ASTN2: variants seen among roughly 807,000 people sequenced by gnomAD.
ASTN2 encodes the protein astrotactin 2, also known as astrotactin-2.
In ASTN2, 54 loss-of-function variants were observed where a neutral mutation model predicts 139.8. The observed-to-expected ratio is 0.39, with a 90% CI of 0.31 to 0.48. The LOEUF (loss-of-function observed/expected upper bound fraction) is 0.48, where lower values mean the gene tolerates loss of function less well. Among genes scored for constraint, ASTN2 ranks in the 20% least tolerant of loss-of-function variants. The pLI is 0.95. For synonymous variants in ASTN2, 756 were observed against 719.5 expected, an observed-to-expected ratio of 1.05 and a Z score of -0.81; for missense variants, 1,565 against 1,725.1, an observed-to-expected ratio of 0.91 and a Z score of 1.64.
At chr9:116,849,113 G>A (rs530292517) in intron 11 of ASTN2, among the ~76,000 whole-genome samples, 4 of 152,132 alleles carry the variant, frequency 2.6e-5, no homozygotes, top group Non-Finnish European at 4.4e-5. Context: ...AATAATGTGG[G>A]AAGAGGCACG....
At chr9:116,470,955 T>A (rs981317481) in intron 20 of ASTN2, among the ~76,000 whole-genome samples, 2 of 152,210 alleles carry the variant, frequency 1.3e-5, no homozygotes, top group African/African-American at 4.8e-5. Context: ...TCTAAGACGA[T>A]GTATTGTTCA....
intron 1 of ASTN2, among the ~76,000 whole-genome samples, chr9:117,407,688 T>C (rs945701689): frequency 1.3e-5 from 2 of 152,206 alleles, no homozygotes; most frequent in African/African-American, 4.8e-5. Flanking sequence ...CCAAAAGAGC[T>C]ATAGTCAGTA....
chr9:116,493,084 T>C (rs1462470822), intron 19 of ASTN2, among the ~76,000 whole-genome samples: 2 of 152,212 alleles, frequency 1.3e-5, no homozygotes, highest in African/African-American at 4.8e-5. Context: ...CTGTGCTGTA[T>C]TCTCTGATAG....
intron 2 of ASTN2, among the ~76,000 whole-genome samples, chr9:117,276,448 C>T (rs1002701538): frequency 6.6e-6 from 1 of 152,196 alleles, no homozygotes; most frequent in Admixed American, 6.5e-5. Flanking sequence ...CCTCATCTCC[C>T]CCCAGACAGC....
rs886063380 is a variant in ASTN2, at chr9:116,699,816, G to A, written c.2806+25955C>T. 12 of 1,474,816 alleles carry A rather than the reference G, an allele frequency of 8.1e-6. No homozygotes were observed. Among genetic ancestry groups the A allele is most frequent in the Admixed American group, 7.3e-5 (4 of 54,442 alleles). The allele number at this position is 1,474,816 out of a possible 1,614,324, so 91.4% of individuals were successfully genotyped here. ...CTCAGCCTATGTCCTGATTCCAGCTGGGTAGTTCTAGAACTTCAGAAGCTC... is the reference window on the plus strand; with the variant it reads ...CTCAGCCTATGTCCTGATTCCAGCTAGGTAGTTCTAGAACTTCAGAAGCTC... On this transcript the variant is annotated intron_variant, in intron 16 of 22. Coordinates refer to ENST00000313400, the MANE Select transcript of ASTN2 (RefSeq NM_001365068.1). The surrounding 1 kb of genome is among the most constrained non-coding windows in gnomAD (Gnocchi z 4.2).
At chr9:117,326,255 CTAATT>C (rs1160712841) in intron 1 of ASTN2, among the ~76,000 whole-genome samples, 6 of 152,028 alleles carry the variant, frequency 3.9e-5, no homozygotes, top group African/African-American at 1.5e-4. Context: ...TTTGAGATCT[CTAATT>C]TTAGTCCAGT....
intron 3 of ASTN2, among the ~76,000 whole-genome samples, chr9:117,170,051 G>A (rs570753056): frequency 1.3e-5 from 2 of 152,136 alleles, no homozygotes; most frequent in South Asian, 4.1e-4. Flanking sequence ...ACACAGGTGT[G>A]GTTATACCTC....
chr9:117,291,366 A>G lies in ASTN2; in HGVS notation c.590T>C (p.Ile197Thr). 2.5e-6 allele frequency: 4 copies of G among 1,613,996 alleles called. No individual in the cohort carries two copies. Among genetic ancestry groups the G allele is most frequent in the East Asian group, 2.2e-5 (1 of 44,870 alleles). ...TAPTLQEPSE[I>T]VEEQMHILHI... is the part of the protein sequence containing the mutation. ...GAGGATGTGCATCTGCTCCTCAACA[A>G]TCTCCGAGGGCTCCTGGAGAGTGGG... The change falls in exon 2 of 23, where the codon ATT becomes ACT. Residue 197 changes from isoleucine to threonine, a missense_variant. By Grantham distance (89) the Ile-to-Thr change is moderately conservative (BLOSUM62 -1). This residue lies in a region of ASTN2 where 596 missense variants were observed against 576.8 expected (regional missense o/e 1.03). Transcript: ENST00000313400.
chr9:116,493,343 C>T (rs1394655495), intron 19 of ASTN2, among the ~76,000 whole-genome samples: 1 of 152,186 alleles, frequency 6.6e-6, no homozygotes, highest in Non-Finnish European at 1.5e-5. Context: ...CATTCTTTTC[C>T]TGTTTTTCTT....
Position 117,102,621 on chromosome 9 carries a change from C to G in ASTN2, c.1169-6470G>C, listed in dbSNP as rs532834669. On this transcript the variant is annotated intron_variant, in intron 4 of 22. Coordinates refer to ENST00000313400, the MANE Select transcript of ASTN2 (RefSeq NM_001365068.1). ...CACTTCAACCTCTGCCTCCTGGGTT[C>G]AAGCGATTCTCCTGCCTTAGCTTCC... is the stretch of plus-strand genomic sequence containing the variant. Among the ~76,000 whole-genome samples, 22 of 152,270 alleles carry G rather than the reference C, an allele frequency of 1.4e-4. No homozygotes were observed. The East Asian group carries it at 3.7e-3, about 25-fold the overall frequency.
At chr9:116,500,636 G>A (rs963336799) in intron 19 of ASTN2, among the ~76,000 whole-genome samples, 2 of 152,194 alleles carry the variant, frequency 1.3e-5, no homozygotes, top group African/African-American at 4.8e-5. Flanking sequence ...GCTCAGCCCT[G>A]GGTTTGAATT....
At chr9:117,340,046 C>T (rs1225594796) in intron 1 of ASTN2, among the ~76,000 whole-genome samples, 3 of 151,932 alleles carry the variant, frequency 2.0e-5, no homozygotes, top group Non-Finnish European at 4.4e-5. Flanking sequence ...AATGACAGCT[C>T]TCAGAGACAT....
chr9:116,554,833 A>G (rs1254553132), intron 19 of ASTN2, among the ~76,000 whole-genome samples: 1 of 152,224 alleles, frequency 6.6e-6, no homozygotes, highest in Non-Finnish European at 1.5e-5. Flanking sequence ...AAAGAAGAAA[A>G]GAAAGAAATG....
intron 12 of ASTN2, among the ~76,000 whole-genome samples, chr9:116,814,685 A>C (rs946865429): frequency 2.0e-5 from 3 of 152,182 alleles, no homozygotes; most frequent in Non-Finnish European, 4.4e-5. Flanking sequence ...CCACTGCATG[A>C]TTTGGGAGAG....
chr9:116,635,847 T>C (rs1195689907), intron 17 of ASTN2, among the ~76,000 whole-genome samples: 3 of 152,208 alleles, frequency 2.0e-5, no homozygotes, highest in African/African-American at 4.8e-5. Flanking sequence ...ATGGTTTTCA[T>C]TGAGTTTTGA....
intron 7 of ASTN2, among the ~76,000 whole-genome samples, chr9:116,980,574 A>T (rs1836484246): frequency 6.6e-6 from 1 of 152,086 alleles, no homozygotes; most frequent in Non-Finnish European, 1.5e-5. Context: ...GTTGGAGTAG[A>T]TCACTCATCA....
chr9:117,234,972 G>A lies in ASTN2; in HGVS notation c.631-20230C>T, dbSNP rs138685196. Among the ~76,000 whole-genome samples the A allele has an allele frequency of 8.9e-3, 1,354 of 152,296 alleles. 26 individuals are homozygous for A. Among genetic ancestry groups the A allele is most frequent in the African/African-American group, 0.031 (1,302 of 41,566 alleles). The stretch of plus-strand genomic sequence containing the variant: ...GATAAGGCTGGGCGCAGTGGCTCAC[G>A]CCTGTAATCCCAGCACTTTGGGAGG... On this transcript the variant is annotated intron_variant, in intron 2 of 22. Coordinates refer to ENST00000313400, the MANE Select transcript of ASTN2 (RefSeq NM_001365068.1).
chr9:116,972,648 A>G (rs142851115), intron 10 of ASTN2, among the ~76,000 whole-genome samples: 12 of 152,250 alleles, frequency 7.9e-5, no homozygotes, highest in Admixed American at 2.6e-4. Context: ...CCTTCCTAAC[A>G]TTTGTTATCA....
chr9:117,392,828 A>C (rs1213467603), intron 1 of ASTN2, among the ~76,000 whole-genome samples: 1 of 152,184 alleles, frequency 6.6e-6, no homozygotes, highest in Non-Finnish European at 1.5e-5. Context: ...GCAGCAGAGG[A>C]GGTTGAGAAA....
Sources: allele counts gnomAD v4.1 joint callset (sites outside exome capture counted in the v4.1 genomes callset), GRCh38; gene constraint gnomAD v4.1.1; regional missense constraint gnomAD v4.1.1; non-coding constraint Gnocchi (gnomAD v3.1); transcripts MANE v1.5; gene names NCBI Gene and HGNC (gene_info 2026-07-23, HGNC 2026-07-21).